Variants in CLN3 observed in about 807,000 individuals in gnomAD.
CLN3 encodes battenin.
In CLN3, 49 loss-of-function variants were observed where a neutral mutation model predicts 60.7. The observed-to-expected ratio is 0.81, with a 90% CI of 0.64 to 1.02. CLN3 has a LOEUF of 1.02. Ranked by LOEUF, CLN3 falls within the 50% of genes least tolerant of loss-of-function variation. The probability of loss-of-function intolerance (pLI) is 0.00; values close to 1 mark genes in which losing one functional copy is unlikely to be tolerated. For synonymous variants in CLN3, 256 were observed against 245.8 expected (o/e 1.04, Z -0.39); for missense variants, 516 against 557.4 (o/e 0.93, Z 0.75).
chr16:28,490,861 G>A (rs1236539998), intron 3 of CLN3: 2 of 151,308 alleles, frequency 1.3e-5, no homozygotes, highest in Non-Finnish European at 2.9e-5. Flanking sequence ...TTGAGGCCAC[G>A]AGTTTGAGAC....
chr16:28,477,886 A>C lies in CLN3; in HGVS notation c.1057-9T>G. The C allele has an allele frequency of 1.2e-6, 2 of 1,613,352 alleles. No homozygotes were observed. The highest frequency in any genetic ancestry group is 1.7e-6 in the Non-Finnish European group (2 of 1,179,970). ...AACACCAGGTTGAGGCACTGTGAAC[A>C]GGGGGAGAGGCTAAGCCTGGGACCA... On this transcript the variant is annotated splice_polypyrimidine_tract_variant and intron_variant, in intron 14 of 15. Transcript: ENST00000636147.
At position 28,488,597 on chromosome 16, in the gene CLN3, A is replaced by T. The variant is rs1555469051; in HGVS notation, c.288T>A (p.Ser96=). The T allele has an allele frequency of 1.2e-6, 2 of 1,614,168 alleles. No individual in the cohort carries two copies. Among genetic ancestry groups the T allele is most frequent in the Non-Finnish European group, 1.7e-6 (2 of 1,180,000 alleles). The change falls in exon 5 of 16, where the codon TCT becomes TCA. Residue 96 remains serine (S), a synonymous_variant. Coordinates refer to ENST00000636147, the MANE Select transcript of CLN3 (RefSeq NM_001042432.2). The part of the protein sequence containing the change: ...SSSRFDCNSV[S]TAAVLLADIL... ...AGGTGAGATGAGTACGCACAGCCGT[A>T]GAGACAGAGTTGCAGTCAAATCGTG...
intron 13 of CLN3, 59 bp from the exon 14 acceptor site, chr16:28,482,257 CG>C (rs962144109): frequency 6.2e-7 from 1 of 1,602,558 alleles, no homozygotes; most frequent in Non-Finnish European, 8.5e-7. Context: ...CCGCTCCCCC[CG>C]GTGCCTACTG....
At chr16:28,490,115 G>A (rs1162901981) in intron 3 of CLN3, among the ~76,000 whole-genome samples, 1 of 150,752 alleles carries the variant, frequency 6.6e-6, no homozygotes, top group African/African-American at 2.4e-5. Context: ...AGGCCTTGGA[G>A]GCTGGAAGTG....
At chr16:28,481,611 C>T (rs1282780559) in intron 14 of CLN3, among the ~76,000 whole-genome samples, 1 of 152,098 alleles carries the variant, frequency 6.6e-6, no homozygotes, top group Non-Finnish European at 1.5e-5. Context: ...CCCTAAGTCA[C>T]ACAGTGGCTG....
At chr16:28,481,454 G>GCACA (rs373490479) in intron 14 of CLN3, among the ~76,000 whole-genome samples, 1,347 of 129,208 alleles carry the variant, frequency 0.01, 18 homozygotes, top group African/African-American at 0.029. Flanking sequence ...ACACACACAC[G>GCACA]CACACACACA....
intron 14 of CLN3, among the ~76,000 whole-genome samples, chr16:28,479,277 G>C (rs1406356893): frequency 1.3e-5 from 2 of 152,202 alleles, no homozygotes; most frequent in Non-Finnish European, 2.9e-5. Flanking sequence ...TAGACTTAAA[G>C]ATGAGCATTA....
chr16:28,477,724 G>A lies in CLN3; in HGVS notation c.1197+13C>T, dbSNP rs370103287. The A allele has an allele frequency of 2.7e-5, 44 of 1,614,124 alleles. No homozygotes were observed. Among genetic ancestry groups the A allele is most frequent in the African/African-American group, 2.3e-4 (17 of 75,046 alleles). ...GACAGGCCACCCCCAGCCCTTGCCC[G>A]GCCAATGCTGACCTCCAGGGCGATG... is the stretch of plus-strand genomic sequence containing the variant. On this transcript the variant is annotated intron_variant, in intron 15 of 15. Coordinates refer to ENST00000636147, the MANE Select transcript of CLN3 (RefSeq NM_001042432.2).
rs189188152 is a variant in CLN3 at position 28,484,432 on chromosome 16, G to A, written c.678-314C>T. On this transcript the variant is annotated intron_variant, in intron 9 of 15. Transcript: ENST00000636147. ...GGTGCAATCATAGCTCACTGCAGCC[G>A]CGACCTCCCAGGCTCAAGCAATCCT... is the stretch of plus-strand genomic sequence containing the variant. 9.5e-4 allele frequency: 307 copies of A among 323,730 alleles called. 2 individuals are homozygous for A. The highest frequency in any genetic ancestry group is 1.2e-3 in the South Asian group (42 of 33,648). The allele number at this position is 323,730 out of a possible 1,614,324, so 20.1% of individuals were successfully genotyped here.
downstream of CLN3, among the ~76,000 whole-genome samples, chr16:28,473,118 TTTTGAGACAGGG>T (rs1225849436): frequency 1.3e-5 from 2 of 152,064 alleles, no homozygotes; most frequent in African/African-American, 4.8e-5. Flanking sequence ...TATTTTTATT[TTTTGAGACAGGG>T]TTTCATTCCT....
At chr16:28,489,114 C>G (rs2046270151) in intron 4 of CLN3, among the ~76,000 whole-genome samples, 176 bp downstream of exon 4, 2 of 152,056 alleles carry the variant, frequency 1.3e-5, no homozygotes, top group South Asian at 4.1e-4. Context: ...GTTGGCCAGG[C>G]TGGTCTCGAA....
chr16:28,477,538 T>A lies in CLN3; in HGVS notation c.1295A>T (p.Asp432Val). The A allele has an allele frequency of 6.2e-7, 1 of 1,613,606 alleles. No individual in the cohort carries two copies. Among genetic ancestry groups the A allele is most frequent in the Non-Finnish European group, 8.5e-7 (1 of 1,180,014 alleles). ...LSGLLALPLH[D>V]FLCQLS ...GTATCAGGAGAGCTGGCAGAGGAAG[T>A]CATGCAGAGGCAAAGCCAGGAGCCC... The change falls in exon 16 of 16, where the codon GAC becomes GTC. Residue 432 changes from aspartate to valine, a missense_variant. Physicochemically the swap from Asp to Val is radical, Grantham distance 152 (BLOSUM62 -3). Coordinates refer to ENST00000636147, the MANE Select transcript of CLN3 (RefSeq NM_001042432.2).
rs1409702007 is a variant in CLN3, at chr16:28,486,828, G to A, written c.461-178C>T. 3 of 678,024 alleles carry A rather than the reference G, an allele frequency of 4.4e-6. No individual in the cohort carries two copies. The East Asian group carries it at 8.2e-5, about 18-fold the overall frequency. The allele number at this position is 678,024 out of a possible 1,614,324, so 42.0% of individuals were successfully genotyped here. A position where few individuals can be genotyped will look rare whatever the true frequency, so the allele number is the denominator to read the frequency against. On this transcript the variant is annotated intron_variant, in intron 7 of 15. Transcript: ENST00000636147. ...CCACTCCCCTGCGTGTCCCTTCATG[G>A]AGAGTGGCACCTCCATCCACCCAGT... is the stretch of plus-strand genomic sequence containing the variant.
chr16:28,491,432 C>A, intron 3 of CLN3, 50 bp downstream of exon 3: 3 of 1,604,576 alleles, frequency 1.9e-6, no homozygotes, highest in East Asian at 2.2e-5. Flanking sequence ...CCTCCGGTCA[C>A]TTCCCTCTTC....
chr16:28,478,977 C>T (rs1020166393), intron 14 of CLN3, among the ~76,000 whole-genome samples: 7 of 152,134 alleles, frequency 4.6e-5, no homozygotes, highest in Non-Finnish European at 1.0e-4. Flanking sequence ...CAGTCGCTGC[C>T]CCCCTGCCTC....
chr16:28,487,990 G>A (rs1342697120), intron 5 of CLN3: 4 of 494,020 alleles, frequency 8.1e-6, no homozygotes, highest in Non-Finnish European at 1.5e-5. Flanking sequence ...CAGGACTGCT[G>A]TGTGGCTTAA....
intron 7 of CLN3, chr16:28,487,231 G>A: frequency 1.6e-6 from 1 of 614,746 alleles, no homozygotes; most frequent in South Asian, 1.8e-5. Flanking sequence ...TCTTGACTTT[G>A]TTCACCTCAA....
chr16:28,472,568 C>G (rs537485149), downstream of CLN3, among the ~76,000 whole-genome samples: 1 of 151,490 alleles, frequency 6.6e-6, no homozygotes, highest in African/African-American at 2.4e-5. Flanking sequence ...AGGCTGGGCG[C>G]GCTGGTTCAC....
At position 28,477,697 on chromosome 16, in the gene CLN3, T is replaced by C. The variant is rs2046019320; in HGVS notation, c.1197+40A>G. 10 of 1,614,074 alleles carry C rather than the reference T, an allele frequency of 6.2e-6. No individual in the cohort carries two copies. In the East Asian group the frequency reaches 1.8e-4, roughly 29 times the overall value. Reference sequence around the variant, plus strand: ...CAGACATCCCTGCCCTGGGTGTCCCTGGACAGGCCACCCCCAGCCCTTGCC... The same window carrying C: ...CAGACATCCCTGCCCTGGGTGTCCCCGGACAGGCCACCCCCAGCCCTTGCC... On this transcript the variant is annotated intron_variant, in intron 15 of 15. Coordinates refer to ENST00000636147, the MANE Select transcript of CLN3 (RefSeq NM_001042432.2).
Sources: allele counts gnomAD v4.1 joint callset (sites outside exome capture counted in the v4.1 genomes callset), GRCh38; gene constraint gnomAD v4.1.1; transcripts MANE v1.5; gene names NCBI Gene and HGNC (gene_info 2026-07-23, HGNC 2026-07-21).